VDAC1: variants seen among roughly 807,000 people sequenced by gnomAD.
The protein encoded by VDAC1 is voltage dependent anion channel 1.
A neutral mutation model predicts 34.7 loss-of-function variants in VDAC1; 10 were observed. The observed-to-expected ratio is 0.29, with a 90% confidence interval of 0.18 to 0.49. The LOEUF is 0.49. VDAC1 is among the 20% of genes least tolerant of loss of function. The pLI is 0.99. For missense variants in VDAC1, 230 were observed against 347.9 expected, an observed-to-expected ratio of 0.66 and a Z score of 2.69; for synonymous variants, 130 against 136.0, an observed-to-expected ratio of 0.96 and a Z score of 0.30.
the VDAC1 span, among the ~76,000 whole-genome samples, chr5:134,079,490 G>T: frequency 6.6e-6 from 1 of 152,200 alleles, no homozygotes; most frequent in Non-Finnish European, 1.5e-5. Context: ...TCGGGGTGGA[G>T]AATGAGGGAA....
At chr5:134,103,096 C>G in the VDAC1 span, among the ~76,000 whole-genome samples, 1,266 of 152,210 alleles carry the variant, frequency 8.3e-3, 20 homozygotes, top group African/African-American at 0.029. Flanking sequence ...CATGACCCCA[C>G]GCCCTGTCCA....
chr5:134,046,451 A>G, the VDAC1 span, among the ~76,000 whole-genome samples: 5 of 152,144 alleles, frequency 3.3e-5, no homozygotes, highest in East Asian at 9.6e-4. Context: ...GTTTACAGGC[A>G]TGAGCCACCA....
the VDAC1 span, among the ~76,000 whole-genome samples, chr5:134,071,211 C>T: frequency 1.3e-5 from 2 of 152,254 alleles, no homozygotes; most frequent in African/African-American, 4.8e-5. The surrounding 1 kb of genome is among the most constrained non-coding windows in gnomAD (Gnocchi z 4.1). Flanking sequence ...GCGGGTGCCA[C>T]CCTCCCCTTC....
chr5:134,075,731 G>A, the VDAC1 span, among the ~76,000 whole-genome samples: 5,450 of 149,842 alleles, frequency 0.036, 110 homozygotes, highest in African/African-American at 0.059. Flanking sequence ...CTACAGGCGC[G>A]TGCCACCAGG....
chr5:134,059,073 C>T, the VDAC1 span, among the ~76,000 whole-genome samples: 5 of 152,202 alleles, frequency 3.3e-5, no homozygotes, highest in Admixed American at 6.5e-5. Flanking sequence ...CCATGGTCGG[C>T]AACAGGCCAT....
the VDAC1 span, among the ~76,000 whole-genome samples, chr5:134,069,481 C>A: frequency 6.6e-6 from 1 of 152,126 alleles, no homozygotes; most frequent in Non-Finnish European, 1.5e-5. Context: ...AGCTGATCAC[C>A]ACCTATTAGG....
chr5:134,035,866 C>T, the VDAC1 span, among the ~76,000 whole-genome samples: 4 of 151,876 alleles, frequency 2.6e-5, no homozygotes, highest in Admixed American at 6.6e-5. Context: ...ATTAGCCGGG[C>T]GCAGTGGCAG....
the VDAC1 span, among the ~76,000 whole-genome samples, chr5:134,033,602 G>C: frequency 2.0e-5 from 3 of 150,908 alleles, no homozygotes; most frequent in Non-Finnish European, 4.4e-5. Flanking sequence ...AACTATGGCA[G>C]TATTTCACGT....
chr5:134,034,776 G>A, the VDAC1 span, among the ~76,000 whole-genome samples: 8 of 150,422 alleles, frequency 5.3e-5, no homozygotes, highest in Non-Finnish European at 1.0e-4. Context: ...CCACTATGGA[G>A]GAAAGGAGCT....
At chr5:134,081,137 A>C in the VDAC1 span, among the ~76,000 whole-genome samples, 1 of 151,878 alleles carries the variant, frequency 6.6e-6, no homozygotes, top group Non-Finnish European at 1.5e-5. Context: ...TCCCAGGTTC[A>C]AGTGATTCTC....
chr5:134,045,707 C>G, the VDAC1 span, among the ~76,000 whole-genome samples: 843 of 151,590 alleles, frequency 5.6e-3, 9 homozygotes, highest in African/African-American at 0.019. Flanking sequence ...TGGGGTTTCA[C>G]TCTTGTTGCC....
chr5:134,067,718 GA>G, the VDAC1 span, among the ~76,000 whole-genome samples: 3 of 151,542 alleles, frequency 2.0e-5, no homozygotes, highest in African/African-American at 7.3e-5. Flanking sequence ...AGGAGAGGGA[GA>G]AGGAGAAGGA....
intron 1 of VDAC1, among the ~76,000 whole-genome samples, chr5:133,998,201 G>C (rs182060081): frequency 6.6e-6 from 1 of 152,172 alleles, no homozygotes. Flanking sequence ...TGAATGGATG[G>C]GAAAGCATGT....
the VDAC1 span, among the ~76,000 whole-genome samples, chr5:134,055,745 T>C: frequency 1.7e-5 from 1 of 59,728 alleles, no homozygotes; most frequent in South Asian, 5.1e-4. Flanking sequence ...TTGTTTTTAA[T>C]TGTCTTTTTT....
chr5:133,992,560 T>G (rs1292251227), intron 2 of VDAC1, among the ~76,000 whole-genome samples: 1 of 152,212 alleles, frequency 6.6e-6, no homozygotes, highest in Non-Finnish European at 1.5e-5. Context: ...CACCCCCACC[T>G]GGGTCCCACC....
the VDAC1 span, among the ~76,000 whole-genome samples, chr5:134,021,205 T>C: frequency 1.4e-4 from 22 of 151,924 alleles, no homozygotes; most frequent in East Asian, 3.9e-4. Flanking sequence ...TTTATTATTA[T>C]ACTTTAAGTT....
chr5:134,079,882 G>C, the VDAC1 span, among the ~76,000 whole-genome samples: 1 of 152,218 alleles, frequency 6.6e-6, no homozygotes, highest in Non-Finnish European at 1.5e-5. Flanking sequence ...GAGAATACAG[G>C]TTGTTGTTGA....
chr5:134,095,357 C>T, the VDAC1 span, among the ~76,000 whole-genome samples: 29 of 152,028 alleles, frequency 1.9e-4, no homozygotes, highest in East Asian at 3.1e-3. Flanking sequence ...GTGGCTCGTG[C>T]CTATAGTCCC....
chr5:134,100,447 C>T, the VDAC1 span, among the ~76,000 whole-genome samples: 1 of 152,190 alleles, frequency 6.6e-6, no homozygotes, highest in Non-Finnish European at 1.5e-5. Context: ...TACTTTATTC[C>T]CACAACCGCG....
Sources: allele counts gnomAD v4.1 joint callset (sites outside exome capture counted in the v4.1 genomes callset), GRCh38; gene constraint gnomAD v4.1.1; non-coding constraint Gnocchi (gnomAD v3.1); transcripts MANE v1.5; gene names NCBI Gene and HGNC (gene_info 2026-07-23, HGNC 2026-07-21).